LARP7: variants seen among roughly 807,000 people sequenced by gnomAD.
LARP7 encodes la-related protein 7.
In LARP7, 52 loss-of-function variants were observed where a neutral mutation model predicts 69.3. That is an observed-to-expected ratio of 0.75 (90% CI 0.60 to 0.95). LARP7 has a LOEUF of 0.95. LARP7 is among the 40% of genes least tolerant of loss of function. The probability of loss-of-function intolerance (pLI) is 0.00; values close to 1 mark genes in which losing one functional copy is unlikely to be tolerated. For missense variants in LARP7, 733 were observed against 673.0 expected (o/e 1.09, Z -0.99); for synonymous variants, 254 against 215.9 (o/e 1.18, Z -1.55).
At chr4:112,657,170 T>TTGTG (rs35719274) in intron 12 of LARP7, 77 bp from the exon 13 acceptor site, 6,344 of 515,954 alleles carry the variant, frequency 0.012, 42 homozygotes, top group East Asian at 0.055. Context: ...AGTCATAGTT[T>TTGTG]TGTGTGTGTG....
intron 9 of LARP7, among the ~76,000 whole-genome samples, chr4:112,650,257 GAAT>G (rs2048660622): frequency 6.6e-6 from 1 of 152,046 alleles, no homozygotes; most frequent in Non-Finnish European, 1.5e-5. Flanking sequence ...TTTGCATGTA[GAAT>G]AATAAAACTT....
Position 112,647,020 on chromosome 4 carries a change from T to G in LARP7, c.553-14T>G, listed in dbSNP as rs772633373. ...AAACAAGTATTAAAATAGTAACTTT[T>G]GCAATCATTTCAGTTTCTTAACAAC... On this transcript the variant is annotated splice_polypyrimidine_tract_variant and intron_variant, in intron 5 of 12. Coordinates refer to ENST00000344442, the MANE Select transcript of LARP7 (RefSeq NM_016648.4). The G allele has an allele frequency of 5.0e-5, 80 of 1,591,674 alleles. No homozygotes were observed. Among genetic ancestry groups the G allele is most frequent in the Non-Finnish European group, 6.8e-5 (80 of 1,174,120 alleles).
chr4:112,647,043 A>T lies in LARP7; in HGVS notation c.562A>T (p.Asn188Tyr), dbSNP rs762683568. The change falls in exon 6 of 13, where the codon AAC becomes TAC. Residue 188 changes from asparagine (N) to tyrosine (Y), a missense_variant. Coordinates refer to ENST00000344442, the MANE Select transcript of LARP7 (RefSeq NM_016648.4). ...TTTGCAATCATTTCAGTTTCTTAAC[A>T]ACCCACCAGAAGAAGCACCAAGAAA... ...QAAKAIEFLN[N>Y]PPEEAPRKPG... is the part of the protein sequence containing the mutation. The T allele has an allele frequency of 6.2e-7, 1 of 1,607,588 alleles. No homozygotes were observed. Among genetic ancestry groups the T allele is most frequent in the Non-Finnish European group, 8.5e-7 (1 of 1,178,468 alleles).
At chr4:112,650,891 T>G (rs1251381457) in intron 10 of LARP7, among the ~76,000 whole-genome samples, 1 of 152,184 alleles carries the variant, frequency 6.6e-6, no homozygotes. Context: ...CTGATTATCT[T>G]TAAAATTTTA....
chr4:112,648,247 G>C lies in LARP7; in HGVS notation c.1142+413G>C, dbSNP rs368344055. ...AAAGCAAGTACATCCACGTTTAAGT[G>C]GTGGGGAGCCCAGTCTTGGAAAAAG... On this transcript the variant is annotated intron_variant, in intron 8 of 12. Transcript: ENST00000344442. 3.4e-5 allele frequency: 18 copies of C among 531,004 alleles called. 1 individual carries two copies. The highest frequency in any genetic ancestry group is 5.8e-5 in the Non-Finnish European group (15 of 257,782). The allele number at this position is 531,004 out of a possible 1,614,324, so 32.9% of individuals were successfully genotyped here. A position where few individuals can be genotyped will look rare whatever the true frequency, so the allele number is the denominator to read the frequency against.
rs774785980 is a variant in LARP7, at chr4:112,653,265, T to G, written c.1576+29T>G. 11 of 1,543,936 alleles carry G rather than the reference T, an allele frequency of 7.1e-6. No homozygotes were observed. The South Asian group carries it at 1.4e-4, about 19-fold the overall frequency. On this transcript the variant is annotated intron_variant, in intron 11 of 12. Coordinates refer to ENST00000344442, the MANE Select transcript of LARP7 (RefSeq NM_016648.4). ...AAACTTCATAGACGTTTCCTTTTTT[T>G]TTTGTTATCATCCTTATTGTGAGTA...
chr4:112,650,263 T>C (rs980388358), intron 9 of LARP7, among the ~76,000 whole-genome samples, 198 bp from the exon 10 acceptor site: 4 of 152,186 alleles, frequency 2.6e-5, no homozygotes, highest in African/African-American at 9.6e-5. Flanking sequence ...TGTAGAATAA[T>C]AAAACTTTCT....
intron 9 of LARP7, 44 bp downstream of exon 9, chr4:112,649,730 A>C: frequency 7.7e-7 from 1 of 1,297,028 alleles, no homozygotes; most frequent in African/African-American, 1.5e-5. Context: ...ATGTACTTAT[A>C]TATGTAAATG....
At chr4:112,648,316 CA>C (rs1406433235) in intron 8 of LARP7, 2 of 528,948 alleles carry the variant, frequency 3.8e-6, no homozygotes, top group Non-Finnish European at 7.8e-6. Flanking sequence ...CCTTAAAACA[CA>C]ATAACAAAAA....
At chr4:112,653,258 C>A (rs771337814) in intron 11 of LARP7, 22 bp downstream of exon 11, 1 of 1,346,042 alleles carries the variant, frequency 7.4e-7, no homozygotes, top group Non-Finnish European at 9.9e-7. Context: ...TAGACGTTTC[C>A]TTTTTTTTTT....
rs1332970908 is a variant in LARP7, at chr4:112,646,569, G to GTAA, written c.304-16_304-14dup. On this transcript the variant is annotated intron_variant, in intron 3 of 12. Transcript: ENST00000344442. ...TATAAATAATATTAGTTTTATTAAT[G>GTAA]TAATATACTATTTTAAAGCTTGATT... The GTAA allele has an allele frequency of 2.1e-6, 3 of 1,443,076 alleles. No individual in the cohort carries two copies. 89.4% of individuals were successfully genotyped at this position (1,443,076 alleles called of 1,614,324 possible). A position where few individuals can be genotyped will look rare whatever the true frequency, so the allele number is the denominator to read the frequency against.
chr4:112,653,730 C>A (rs1049181039), intron 11 of LARP7, among the ~76,000 whole-genome samples: 5 of 152,166 alleles, frequency 3.3e-5, no homozygotes, highest in Admixed American at 2.6e-4. Flanking sequence ...CTCAGGTGAT[C>A]TGCCTGCCTT....
chr4:112,639,878 G>T lies in LARP7; in HGVS notation c.-3+2639G>T, dbSNP rs2047891858. ...TAATTATCAATAATTTATAATTATA[G>T]ATTATCAATTATAGAATTATAATTA... On this transcript the variant is annotated intron_variant, in intron 1 of 12. Transcript: ENST00000344442. Among the ~76,000 whole-genome samples, 3 of 151,966 alleles carry T rather than the reference G, an allele frequency of 2.0e-5. No homozygotes were observed. In the South Asian group the frequency reaches 6.2e-4, roughly 32 times the overall value.
At chr4:112,638,958 A>G (rs2047840393) in intron 1 of LARP7, among the ~76,000 whole-genome samples, 2 of 152,228 alleles carry the variant, frequency 1.3e-5, no homozygotes, top group Non-Finnish European at 2.9e-5. Context: ...TTCCTGAGTC[A>G]GAACATAGAG....
intron 2 of LARP7, 52 bp downstream of exon 2, chr4:112,644,923 T>G (rs776247674): frequency 1.2e-6 from 1 of 840,944 alleles, no homozygotes; most frequent in Admixed American, 2.9e-5. Flanking sequence ...TGCCTTTAAA[T>G]TTACTTATAA....
chr4:112,653,344 C>G (rs1246609461), intron 11 of LARP7, 108 bp downstream of exon 11: 2 of 846,072 alleles, frequency 2.4e-6, no homozygotes, highest in Non-Finnish European at 3.4e-6. Flanking sequence ...TGGTCTTGCT[C>G]TGTCGCTCAG....
chr4:112,647,227 AG>A lies in LARP7; in HGVS notation c.677del (p.Gly226AlafsTer3). On this transcript the variant is annotated frameshift_variant, in exon 7 of 13. Transcript: ENST00000344442. LOFTEE classifies it high-confidence loss of function. ...AGAAGAAAAAGAAAAAGAAGAAGAA[AG>A]GCCGAATGAAAAAGGAAGACAATAT... The part of the protein sequence containing the change: ...EEKKKKKKKK[G>X]RMKKEDNIQA... The A allele has an allele frequency of 6.3e-7, 1 of 1,595,200 alleles. No homozygotes were observed. The highest frequency in any genetic ancestry group is 8.5e-7 in the Non-Finnish European group (1 of 1,174,994).
chr4:112,653,322 G>GTTT, intron 11 of LARP7, 86 bp downstream of exon 11: 64 of 877,612 alleles, frequency 7.3e-5, no homozygotes, highest in African/African-American at 3.1e-4. Flanking sequence ...AATGAAACTA[G>GTTT]TTTTTTTTTT....
At chr4:112,647,617 GT>G in intron 7 of LARP7, 68 bp downstream of exon 7, 1 of 1,206,750 alleles carries the variant, frequency 8.3e-7, no homozygotes, top group Non-Finnish European at 1.1e-6. Flanking sequence ...AATTAATTAG[GT>G]TTTAATTGGC....
Sources: gnomAD v4.1 joint callset for allele counts (sites outside exome capture counted in the v4.1 genomes callset) on GRCh38, gnomAD v4.1.1 for gene constraint, MANE v1.5 for transcripts, NCBI Gene and HGNC (gene_info 2026-07-23, HGNC 2026-07-21) for gene names.